Variants in STIM1 observed in about 807,000 individuals in gnomAD.
STIM1 encodes the protein stromal interaction molecule 1.
STIM1 carries 25 observed loss-of-function variants against 74.7 expected under a neutral mutation model. The observed-to-expected ratio is 0.33, with a 90% CI of 0.24 to 0.47. The LOEUF is 0.47. STIM1 is among the 20% of genes least tolerant of loss of function. The pLI is 1.00. For missense variants in STIM1, 728 were observed against 920.8 expected (o/e 0.79, Z 2.71); for synonymous variants, 328 against 348.8 (o/e 0.94, Z 0.66).
intron 1 of STIM1, among the ~76,000 whole-genome samples, chr11:3,966,104 A>T (rs2093338392): frequency 6.6e-6 from 1 of 152,230 alleles, no homozygotes; most frequent in African/African-American, 2.4e-5. Flanking sequence ...TAAAAGATGA[A>T]AGCAACACAA....
intron 1 of STIM1, among the ~76,000 whole-genome samples, chr11:3,896,140 G>A (rs541576330): frequency 6.6e-6 from 1 of 152,000 alleles, no homozygotes; most frequent in Admixed American, 6.6e-5. Context: ...TCCTGATCTC[G>A]TGATCCGCCC....
intron 2 of STIM1, chr11:3,972,943 T>C (rs1365099880): frequency 1.2e-5 from 6 of 512,568 alleles, no homozygotes; most frequent in Non-Finnish European, 1.9e-5. Context: ...CTGATTGTTA[T>C]AATTGCCAAA....
chr11:3,895,671 T>TTTCCTTCCTTCC (rs761059057), intron 1 of STIM1, among the ~76,000 whole-genome samples: 2 of 43,342 alleles, frequency 4.6e-5, no homozygotes, highest in Admixed American at 2.5e-4. Context: ...TCTTTCTTTC[T>TTTCCTTCCTTCC]TTCCTTCCTT....
Position 3,913,425 on chromosome 11 carries a change from T to C in STIM1, c.140-54127T>C, listed in dbSNP as rs905578404. Among the ~76,000 whole-genome samples the C allele has an allele frequency of 2.0e-5, 3 of 152,054 alleles. No homozygotes were observed. The East Asian group carries it at 5.8e-4, about 29-fold the overall frequency. On this transcript the variant is annotated intron_variant, in intron 1 of 12. Coordinates refer to ENST00000526596, the MANE Select transcript of STIM1 (RefSeq NM_001382567.1). ...CCAGTCTTGAACACTTGGGCTCAAG[T>C]GATCCTCCCGCTTCAGCCTTCCAAA...
At chr11:3,997,939 C>T (rs2093677459) in intron 2 of STIM1, among the ~76,000 whole-genome samples, 1 of 152,202 alleles carries the variant, frequency 6.6e-6, no homozygotes, top group Non-Finnish European at 1.5e-5. Context: ...CCATTCCTAA[C>T]CTCTTGACAC....
At chr11:4,033,829 G>A (rs927144214) in intron 3 of STIM1, among the ~76,000 whole-genome samples, 1 of 151,750 alleles carries the variant, frequency 6.6e-6, no homozygotes, top group Non-Finnish European at 1.5e-5. Context: ...TCGATCTCCT[G>A]ACCTCGTGAT....
chr11:3,966,174 T>C (rs2093339081), intron 1 of STIM1, among the ~76,000 whole-genome samples: 1 of 152,230 alleles, frequency 6.6e-6, no homozygotes, highest in African/African-American at 2.4e-5. Context: ...TTTGAAGTGC[T>C]GGCCTGGGAG....
intron 2 of STIM1, among the ~76,000 whole-genome samples, chr11:3,984,830 C>T (rs901056175): frequency 2.0e-5 from 3 of 152,106 alleles, no homozygotes; most frequent in African/African-American, 7.2e-5. Context: ...ATGAACAAGC[C>T]CTAGGCTAGT....
chr11:4,001,044 TA>T (rs1414387928), intron 2 of STIM1, among the ~76,000 whole-genome samples: 1 of 151,944 alleles, frequency 6.6e-6, no homozygotes, highest in African/African-American at 2.4e-5. Context: ...GAAAAAAGAA[TA>T]AAAAGAAACG....
intron 6 of STIM1, 25 bp from the exon 7 acceptor site, chr11:4,074,477 C>T: frequency 6.2e-7 from 1 of 1,612,648 alleles, no homozygotes; most frequent in South Asian, 1.1e-5. Context: ...CTGGCCTCCT[C>T]CAGCTCCCTG....
chr11:3,998,291 G>A (rs1244122789), intron 2 of STIM1, among the ~76,000 whole-genome samples: 1 of 152,204 alleles, frequency 6.6e-6, no homozygotes, highest in Non-Finnish European at 1.5e-5. Flanking sequence ...AGGCAGCCAG[G>A]TCTAGAATCA....
At chr11:3,894,866 G>A (rs927089222) in intron 1 of STIM1, among the ~76,000 whole-genome samples, 1 of 148,826 alleles carries the variant, frequency 6.7e-6, no homozygotes, top group Non-Finnish European at 1.5e-5. Flanking sequence ...AGCCTCCCAA[G>A]TATCTGGCAT....
intron 3 of STIM1, among the ~76,000 whole-genome samples, chr11:4,028,102 A>G (rs781387269): frequency 2.0e-5 from 3 of 152,160 alleles, no homozygotes; most frequent in Non-Finnish European, 2.9e-5. Context: ...TCTTCTTTTG[A>G]GACAGAGTCT....
chr11:3,856,499 C>T, intron 1 of STIM1, 90 bp downstream of exon 1: 2 of 1,491,748 alleles, frequency 1.3e-6, no homozygotes, highest in Non-Finnish European at 1.8e-6. Context: ...TAGGTTTGTA[C>T]ATGTGAGGTT....
intron 1 of STIM1, among the ~76,000 whole-genome samples, chr11:3,944,309 T>C (rs1302903557): frequency 6.6e-6 from 1 of 152,234 alleles, no homozygotes. Flanking sequence ...GATGAGCTGA[T>C]GGAGGGGAAT....
intron 1 of STIM1, among the ~76,000 whole-genome samples, chr11:3,927,235 T>C (rs1164596331): frequency 6.6e-6 from 1 of 152,228 alleles, no homozygotes; most frequent in Non-Finnish European, 1.5e-5. Context: ...TAAGTTCTTA[T>C]AAAACTACAA....
intron 1 of STIM1, among the ~76,000 whole-genome samples, chr11:3,878,786 C>T (rs1264720169): frequency 6.6e-6 from 1 of 152,160 alleles, no homozygotes; most frequent in African/African-American, 2.4e-5. Flanking sequence ...CTGCCCTCCC[C>T]ATAGCTCATG....
chr11:3,989,558 C>A (rs1297127942), intron 2 of STIM1: 3 of 538,298 alleles, frequency 5.6e-6, no homozygotes, highest in Non-Finnish European at 1.1e-5. Flanking sequence ...CCGCTCCTCC[C>A]GCCGCCCGAG....
intron 1 of STIM1, among the ~76,000 whole-genome samples, chr11:3,961,980 A>G (rs1441341403): frequency 6.6e-6 from 1 of 152,214 alleles, no homozygotes; most frequent in Non-Finnish European, 1.5e-5. Context: ...GTTAGCATGA[A>G]TTGTAATAAT....
Sources: gnomAD v4.1 joint callset for allele counts (sites outside exome capture counted in the v4.1 genomes callset) on GRCh38, gnomAD v4.1.1 for gene constraint, MANE v1.5 for transcripts, NCBI Gene and HGNC (gene_info 2026-07-23, HGNC 2026-07-21) for gene names.